The following TNIK variants were observed in gnomAD, a reference collection of about 807,000 sequenced individuals.
The protein encoded by TNIK is TRAF2 and NCK-interacting protein kinase.
TNIK carries 49 observed loss-of-function variants against 191.3 expected under a neutral mutation model. That is an observed-to-expected ratio of 0.26 (90% CI 0.20 to 0.32). The LOEUF (loss-of-function observed/expected upper bound fraction) is 0.32. Among genes scored for constraint, TNIK ranks in the 10% least tolerant of loss-of-function variants. TNIK has a pLI of 1.00. For missense variants in TNIK, 1,155 were observed against 1,702.3 expected (o/e 0.68, Z 5.66); for synonymous variants, 594 against 600.9 (o/e 0.99, Z 0.17).
chr3:171,330,802 C>G (rs1756340907), intron 2 of TNIK, among the ~76,000 whole-genome samples: 1 of 152,152 alleles, frequency 6.6e-6, no homozygotes, highest in South Asian at 2.1e-4. Flanking sequence ...ATGATTGTAG[C>G]AAACCAATTT....
chr3:171,203,013 T>G (rs1428661238), intron 4 of TNIK, among the ~76,000 whole-genome samples: 7 of 152,156 alleles, frequency 4.6e-5, no homozygotes, highest in Admixed American at 4.6e-4. Flanking sequence ...AAGCCTCATT[T>G]CTGATACACA....
At chr3:171,095,729 T>G (rs529813759) in intron 22 of TNIK, among the ~76,000 whole-genome samples, 2 of 151,794 alleles carry the variant, frequency 1.3e-5, no homozygotes, top group Non-Finnish European at 2.9e-5. Flanking sequence ...ACAGGGGGAG[T>G]CCAGACGAGA....
At chr3:171,180,467 C>T (rs1202967793) in intron 7 of TNIK, among the ~76,000 whole-genome samples, 1 of 152,230 alleles carries the variant, frequency 6.6e-6, no homozygotes, top group African/African-American at 2.4e-5. Flanking sequence ...ACATAAGAAC[C>T]TAAGAGCCAC....
chr3:171,203,425 T>C (rs1004171018), intron 4 of TNIK, among the ~76,000 whole-genome samples: 1 of 152,210 alleles, frequency 6.6e-6, no homozygotes, highest in Non-Finnish European at 1.5e-5. Context: ...ACAGGGGATG[T>C]TGGGGCCTCT....
At chr3:171,451,729 A>G (rs1489995032) in intron 1 of TNIK, among the ~76,000 whole-genome samples, 2 of 152,200 alleles carry the variant, frequency 1.3e-5, no homozygotes, top group Admixed American at 1.3e-4. Context: ...TTCTCCATCC[A>G]ACCATGGGTG....
At chr3:171,219,124 T>TATATAATTATAAATATATATTTTATATAA (rs1390159184) in intron 3 of TNIK, among the ~76,000 whole-genome samples, 3 of 133,588 alleles carry the variant, frequency 2.2e-5, no homozygotes, top group African/African-American at 8.4e-5. Flanking sequence ...TTTATATAAA[T>TATATAATTATAAATATATATTTTATATAA]ATATAATTAT....
chr3:171,265,147 A>G (rs1748218919), intron 2 of TNIK, among the ~76,000 whole-genome samples: 1 of 152,208 alleles, frequency 6.6e-6, no homozygotes, highest in Admixed American at 6.5e-5. Flanking sequence ...GTACTCCCCA[A>G]ATGTAGGCAC....
Position 171,234,438 on chromosome 3 carries a change from C to T in TNIK, c.124-6217G>A, listed in dbSNP as rs140881819. ...TTGTGGCAGAGGTAAAGCAAGGTAC[C>T]GACTCAGGATGGTGCCCAAGCAATT... On this transcript the variant is annotated intron_variant, in intron 2 of 32. Coordinates refer to ENST00000436636, the MANE Select transcript of TNIK (RefSeq NM_015028.4). Among the ~76,000 whole-genome samples, 104 of 152,246 alleles carry T rather than the reference C, an allele frequency of 6.8e-4. 1 individual carries two copies. The highest frequency in any genetic ancestry group is 2.0e-3 in the African/African-American group (82 of 41,538).
chr3:171,416,032 G>C (rs866444102), intron 1 of TNIK, among the ~76,000 whole-genome samples: 12 of 97,702 alleles, frequency 1.2e-4, no homozygotes, highest in Middle Eastern at 5.4e-3. Context: ...AAAAGAAAAA[G>C]AAAGAAAGAA....
chr3:171,306,342 C>T (rs1374089028), intron 2 of TNIK, among the ~76,000 whole-genome samples: 1 of 152,112 alleles, frequency 6.6e-6, no homozygotes, highest in Non-Finnish European at 1.5e-5. Context: ...AACAAACCTG[C>T]ACGTGTACCC....
At chr3:171,091,430 G>A (rs1361236897) in intron 23 of TNIK, among the ~76,000 whole-genome samples, 1 of 152,104 alleles carries the variant, frequency 6.6e-6, no homozygotes, top group African/African-American at 2.4e-5. Flanking sequence ...CATATCATAT[G>A]AGCTACATCC....
chr3:171,327,900 T>TCAAAAAAAAAAAA (rs1755963954), intron 2 of TNIK, among the ~76,000 whole-genome samples: 1 of 79,622 alleles, frequency 1.3e-5, no homozygotes. Context: ...ACCTGGCTCA[T>TCAAAAAAAAAAAA]AAAAAAAAAA....
chr3:171,312,051 G>A (rs889559376), intron 2 of TNIK, among the ~76,000 whole-genome samples: 4 of 149,028 alleles, frequency 2.7e-5, no homozygotes, highest in Non-Finnish European at 5.9e-5. Context: ...AAAAAAGGGA[G>A]GGGAGACATT....
At chr3:171,306,897 G>A (rs988140805) in intron 2 of TNIK, among the ~76,000 whole-genome samples, 7 of 152,002 alleles carry the variant, frequency 4.6e-5, no homozygotes, top group African/African-American at 1.7e-4. Context: ...CCGTGGTGAT[G>A]GGAAAAACCT....
At chr3:171,076,083 A>C (rs1340951979) in intron 28 of TNIK, among the ~76,000 whole-genome samples, 3 of 152,050 alleles carry the variant, frequency 2.0e-5, no homozygotes, top group African/African-American at 7.2e-5. Flanking sequence ...TCTATGTTGT[A>C]AGACATAGAT....
Position 171,161,320 on chromosome 3 carries a change from C to T in TNIK, c.966G>A (p.Glu322=). The T allele has an allele frequency of 6.2e-7, 1 of 1,612,858 alleles. No individual in the cohort carries two copies. Among genetic ancestry groups the T allele is most frequent in the Non-Finnish European group, 8.5e-7 (1 of 1,179,146 alleles). The change falls in exon 11 of 33, where the codon GAG becomes GAA. Residue 322 remains glutamate (E), a synonymous_variant. Transcript: ENST00000436636. ...CCTCTTCTTCCTCACTTCCACTGTA[C>T]TCATACTCTGTCTCATCTGAAGAAA... The part of the protein sequence containing the change: ...KRGEKDETEY[E]YSGSEEEEEE...
At chr3:171,343,580 C>T (rs893453426) in intron 2 of TNIK, among the ~76,000 whole-genome samples, 1 of 152,258 alleles carries the variant, frequency 6.6e-6, no homozygotes, top group Non-Finnish European at 1.5e-5. Context: ...GAAACAGAAC[C>T]TTTGTTCACT....
At chr3:171,076,187 C>G (rs182535601) in intron 28 of TNIK, among the ~76,000 whole-genome samples, 2 of 151,764 alleles carry the variant, frequency 1.3e-5, no homozygotes. Context: ...AGGCACCAAA[C>G]CTTCAGGTTC....
At chr3:171,315,392 C>G (rs17408577) in intron 2 of TNIK, among the ~76,000 whole-genome samples, 25,063 of 152,068 alleles carry the variant, frequency 0.16, 2,173 homozygotes, top group Non-Finnish European at 0.2. Context: ...AGAGCAAACA[C>G]AATACTCTAT....
Sources: gnomAD v4.1 joint callset for allele counts (sites outside exome capture counted in the v4.1 genomes callset) on GRCh38, gnomAD v4.1.1 for gene constraint, MANE v1.5 for transcripts, NCBI Gene and HGNC (gene_info 2026-07-23, HGNC 2026-07-21) for gene names.